Variants in NEDD9 observed in about 807,000 individuals in gnomAD.
The protein encoded by NEDD9 is neural precursor cell expressed, developmentally down-regulated 9.
Under a neutral mutation model 76.6 loss-of-function variants are expected in NEDD9, and 26 were observed. That is an observed-to-expected ratio of 0.34 (90% CI 0.25 to 0.47). The LOEUF (loss-of-function observed/expected upper bound fraction) is 0.47, where lower values mean the gene tolerates loss of function less well. NEDD9 is among the 20% of genes least tolerant of loss of function. NEDD9 has a pLI of 1.00. For missense variants in NEDD9, 937 were observed against 1,058.5 expected, an observed-to-expected ratio of 0.89 and a Z score of 1.59; for synonymous variants, 392 against 414.2, an observed-to-expected ratio of 0.95 and a Z score of 0.65.
Position 11,237,906 on chromosome 6 carries a change from C to G in NEDD9, c.13-24179G>C, listed in dbSNP as rs1759638013. ...GCTAGACCAGAGGAACAAGCCCAGT[C>G]CTAAAAAGGAACCATTCTAGGGCCA... On this transcript the variant is annotated intron_variant, in intron 3 of 3. Coordinates refer to the NEDD9 transcript ENST00000397378. This position sits in a 1 kb window ranked among gnomAD's most constrained non-coding sequence, Gnocchi z 4.9. Among the ~76,000 whole-genome samples the G allele has an allele frequency of 1.3e-5, 2 of 152,136 alleles. No individual in the cohort carries two copies. Among genetic ancestry groups the G allele is most frequent in the Non-Finnish European group, 2.9e-5 (2 of 68,014 alleles).
intron 2 of NEDD9, among the ~76,000 whole-genome samples, chr6:11,325,205 A>C (rs897806303): frequency 3.3e-5 from 5 of 152,072 alleles, no homozygotes; most frequent in African/African-American, 1.2e-4. Context: ...AAATACAAAA[A>C]TTAGCAGGGT....
intron 3 of NEDD9, chr6:11,305,878 G>C (rs919572706): frequency 1.6e-6 from 2 of 1,262,316 alleles, no homozygotes; most frequent in African/African-American, 3.0e-5. Context: ...AATGTTAGTT[G>C]CAGGCCCGTA....
At chr6:11,246,344 A>G (rs1489077239) in intron 3 of NEDD9, among the ~76,000 whole-genome samples, 4 of 152,168 alleles carry the variant, frequency 2.6e-5, no homozygotes, top group African/African-American at 9.7e-5. Context: ...ATCCTCCCTG[A>G]CAGGCTCAGT....
At chr6:11,365,014 A>G (rs774414545) in intron 1 of NEDD9, among the ~76,000 whole-genome samples, 49 of 152,146 alleles carry the variant, frequency 3.2e-4, no homozygotes, top group Non-Finnish European at 6.3e-4. Flanking sequence ...GGCATTCAGA[A>G]AAACTGACTG....
chr6:11,200,272 C>A, intron 2 of NEDD9: 1 of 457,368 alleles, frequency 2.2e-6, no homozygotes, highest in Non-Finnish European at 4.4e-6. Flanking sequence ...TAAACCCACC[C>A]TTGCACAGGC....
intron 2 of NEDD9, among the ~76,000 whole-genome samples, chr6:11,319,487 T>C (rs1314817244): frequency 1.4e-5 from 2 of 140,842 alleles, no homozygotes; most frequent in African/African-American, 5.4e-5. Context: ...AACAAGCAAA[T>C]AATCACACAC....
chr6:11,215,511 CT>C (rs1758929744), intron 1 of NEDD9, among the ~76,000 whole-genome samples: 1 of 152,196 alleles, frequency 6.6e-6, no homozygotes, highest in Non-Finnish European at 1.5e-5. Flanking sequence ...CTAAAATTGT[CT>C]CTGTTTCTCT....
At chr6:11,332,044 G>A (rs1355760781) in intron 2 of NEDD9, among the ~76,000 whole-genome samples, 2 of 152,192 alleles carry the variant, frequency 1.3e-5, no homozygotes, top group Non-Finnish European at 2.9e-5. Context: ...TGAACCAGAA[G>A]CAACATGTCT....
intron 2 of NEDD9, among the ~76,000 whole-genome samples, chr6:11,329,766 G>A (rs541808865): frequency 6.6e-6 from 1 of 152,066 alleles, no homozygotes; most frequent in Non-Finnish European, 1.5e-5. Flanking sequence ...TGGGTGGGGG[G>A]GGCGGTGGCT....
chr6:11,327,112 G>C (rs999645437), intron 2 of NEDD9, among the ~76,000 whole-genome samples: 2 of 152,176 alleles, frequency 1.3e-5, no homozygotes, highest in Non-Finnish European at 2.9e-5. Flanking sequence ...GGACTGTACT[G>C]GTGTGGCATG....
chr6:11,330,279 C>T (rs1762008905), intron 2 of NEDD9, among the ~76,000 whole-genome samples: 1 of 152,182 alleles, frequency 6.6e-6, no homozygotes, highest in African/African-American at 2.4e-5. Context: ...TTAGCTAAGA[C>T]TTTAACCCGT....
At chr6:11,323,534 G>A (rs1169000249) in intron 2 of NEDD9, among the ~76,000 whole-genome samples, 1 of 152,222 alleles carries the variant, frequency 6.6e-6, no homozygotes, top group Non-Finnish European at 1.5e-5. Context: ...TCACAGGGTA[G>A]GGAAAGGGGG....
chr6:11,275,249 G>A (rs1474083427), intron 3 of NEDD9, among the ~76,000 whole-genome samples: 1 of 152,200 alleles, frequency 6.6e-6, no homozygotes, highest in East Asian at 1.9e-4. Context: ...TAAGGTTGGG[G>A]AGAGGAGGTA....
intron 2 of NEDD9, among the ~76,000 whole-genome samples, chr6:11,330,992 C>A (rs1013083216): frequency 9.9e-5 from 15 of 151,618 alleles, no homozygotes; most frequent in Non-Finnish European, 1.9e-4. Context: ...ATACTCTACT[C>A]TACAGACTCT....
intron 3 of NEDD9, among the ~76,000 whole-genome samples, chr6:11,265,721 A>T (rs1760188752): frequency 6.6e-6 from 1 of 152,224 alleles, no homozygotes; most frequent in Non-Finnish European, 1.5e-5. Context: ...TGCCCTAAAG[A>T]TAACTGTATT....
In NEDD9 at chr6:11,213,133, A is replaced by G; in HGVS notation, c.459+148T>C. Reference sequence around the variant, plus strand: ...TGAATGATGGATGAATGGCAAAATCATGCAAACATGATGCCTGAGCTAAGG... The same window carrying G: ...TGAATGATGGATGAATGGCAAAATCGTGCAAACATGATGCCTGAGCTAAGG... On this transcript the variant is annotated intron_variant, in intron 2 of 6. Coordinates refer to ENST00000379446, the MANE Select transcript of NEDD9 (RefSeq NM_006403.4). The surrounding 1 kb of genome is among the most constrained non-coding windows in gnomAD (Gnocchi z 5.4). 1 of 762,038 alleles carries G rather than the reference A, an allele frequency of 1.3e-6. No homozygotes were observed. The highest frequency in any genetic ancestry group is 2.7e-5 in the East Asian group (1 of 36,948). The allele number at this position is 762,038 out of a possible 1,614,324, so 47.2% of individuals were successfully genotyped here.
intron 2 of NEDD9, among the ~76,000 whole-genome samples, chr6:11,324,824 C>A (rs1017299701): frequency 3.9e-5 from 6 of 152,146 alleles, no homozygotes; most frequent in Non-Finnish European, 8.8e-5. Context: ...GCCACACTTT[C>A]CATTTGAAAA....
rs1581938543 is a variant in NEDD9 at position 11,185,337 on chromosome 6, A to C, written c.2330T>G (p.Met777Arg). 2 of 1,614,024 alleles carry C rather than the reference A, an allele frequency of 1.2e-6. No individual in the cohort carries two copies. Among genetic ancestry groups the C allele is most frequent in the South Asian group, 1.1e-5 (1 of 91,080 alleles). Residue 777 changes from methionine to arginine, a missense_variant, in exon 7 of 7, where the codon ATG (methionine) becomes AGG (arginine). Coordinates refer to ENST00000379446, the MANE Select transcript of NEDD9 (RefSeq NM_006403.4). ...CTCGCAGAGCTGGTTGCTGGAGTTC[A>C]TGACTTTGTTGCGAATGTCCTGGGC... is the stretch of plus-strand genomic sequence containing the variant. ...VTAQDIRNKVMNSSNQLCEQL... is the reference protein window; with the variant it reads ...VTAQDIRNKVRNSSNQLCEQL...
At chr6:11,356,620 A>G (rs1485868986) in intron 1 of NEDD9, among the ~76,000 whole-genome samples, 1 of 151,962 alleles carries the variant, frequency 6.6e-6, no homozygotes, top group Non-Finnish European at 1.5e-5. Flanking sequence ...TGCATTCCTA[A>G]GATACTCCCA....
Sources: gnomAD v4.1 joint callset for allele counts (sites outside exome capture counted in the v4.1 genomes callset) on GRCh38, gnomAD v4.1.1 for gene constraint, Gnocchi (gnomAD v3.1) non-coding constraint, MANE v1.5 for transcripts, NCBI Gene and HGNC (gene_info 2026-07-23, HGNC 2026-07-21) for gene names.